The following SLC9A9 variants were observed in gnomAD, a reference collection of about 807,000 sequenced individuals.
The protein encoded by SLC9A9 is sodium/hydrogen exchanger 9.
SLC9A9 carries 62 observed loss-of-function variants against 77.8 expected under a neutral mutation model. The observed-to-expected ratio is 0.80, with a 90% confidence interval of 0.65 to 0.98. SLC9A9 has a LOEUF of 0.98. Ranked by LOEUF, SLC9A9 falls within the 50% of genes least tolerant of loss-of-function variation. The pLI, the probability that SLC9A9 is intolerant of heterozygous loss-of-function variation, is 0.00. For missense variants in SLC9A9, 775 were observed against 774.9 expected, an observed-to-expected ratio of 1.00 and a Z score of 0.00; for synonymous variants, 320 against 283.5, an observed-to-expected ratio of 1.13 and a Z score of -1.29.
At chr3:143,601,928 G>A (rs927874299) in intron 6 of SLC9A9, among the ~76,000 whole-genome samples, 3 of 150,716 alleles carry the variant, frequency 2.0e-5, no homozygotes, top group Admixed American at 6.6e-5. Flanking sequence ...AGTACCCCTT[G>A]CTGCCATCAT....
At chr3:143,751,269 G>C (rs1455501209) in intron 4 of SLC9A9, among the ~76,000 whole-genome samples, 3 of 152,172 alleles carry the variant, frequency 2.0e-5, no homozygotes. Context: ...AAACCACCAG[G>C]AGGAGGTTAC....
intron 9 of SLC9A9, among the ~76,000 whole-genome samples, chr3:143,532,545 A>G (rs533861126): frequency 6.6e-6 from 1 of 152,198 alleles, no homozygotes; most frequent in Non-Finnish European, 1.5e-5. Context: ...GGGAAACTTA[A>G]ATTTTACTTT....
chr3:143,577,592 T>C (rs1015444723), intron 7 of SLC9A9, among the ~76,000 whole-genome samples: 10 of 152,304 alleles, frequency 6.6e-5, no homozygotes, highest in South Asian at 2.1e-4. Flanking sequence ...AATGTAGAGC[T>C]CATCTTTCTA....
intron 5 of SLC9A9, among the ~76,000 whole-genome samples, chr3:143,688,765 T>C (rs1007511326): frequency 3.9e-5 from 6 of 152,064 alleles, no homozygotes; most frequent in African/African-American, 9.7e-5. Flanking sequence ...TCATTTCATG[T>C]TCTTTCAATC....
rs1322436634 is a variant in SLC9A9 at position 143,269,056 on chromosome 3, T to G, written c.1605-76A>C. On this transcript the variant is annotated intron_variant, in intron 14 of 15. Transcript: ENST00000316549. ...ATCTTACGCTGCACAAACCTTTGTA[T>G]GCTGAGACAGCTACGTTTGCCTTTA... The G allele has an allele frequency of 9.9e-5, 109 of 1,100,558 alleles. 1 individual carries two copies. In the East Asian group the frequency reaches 2.6e-3, roughly 26 times the overall value. The allele number at this position is 1,100,558 out of a possible 1,614,324, so 68.2% of individuals were successfully genotyped here. A position where few individuals can be genotyped will look rare whatever the true frequency, so the allele number is the denominator to read the frequency against.
At chr3:143,547,498 G>A (rs1416252314) in intron 9 of SLC9A9, among the ~76,000 whole-genome samples, 3 of 152,152 alleles carry the variant, frequency 2.0e-5, no homozygotes, top group South Asian at 2.1e-4. Context: ...CTTCTAAAAC[G>A]TACGTACATG....
intron 6 of SLC9A9, among the ~76,000 whole-genome samples, chr3:143,650,978 G>T (rs538498806): frequency 1.3e-5 from 2 of 152,324 alleles, no homozygotes; most frequent in African/African-American, 4.8e-5. Context: ...GGTTGTGTCG[G>T]CATGATTCTT....
At chr3:143,738,038 T>A (rs1030111220) in intron 4 of SLC9A9, among the ~76,000 whole-genome samples, 5 of 152,244 alleles carry the variant, frequency 3.3e-5, no homozygotes, top group Admixed American at 3.3e-4. Context: ...TGCATTTCCC[T>A]TTATTACAGG....
chr3:143,826,465 C>G (rs1030033709), intron 2 of SLC9A9, among the ~76,000 whole-genome samples: 1 of 152,114 alleles, frequency 6.6e-6, no homozygotes, highest in African/African-American at 2.4e-5. Context: ...TTTCTTGCAT[C>G]TACCTCTTGG....
intron 9 of SLC9A9, 104 bp from the exon 10 acceptor site, chr3:143,495,552 G>T (rs2035819956): frequency 1.2e-6 from 1 of 856,996 alleles, no homozygotes. Flanking sequence ...TCCTTTATCT[G>T]GAAGGCCACC....
intron 2 of SLC9A9, among the ~76,000 whole-genome samples, chr3:143,826,917 T>C (rs889270887): frequency 1.3e-5 from 2 of 152,202 alleles, no homozygotes; most frequent in African/African-American, 2.4e-5. Context: ...ACTTTTTTGA[T>C]ACGTGCCTTT....
In SLC9A9 at chr3:143,561,798, A is replaced by G. The variant is rs185883171; in HGVS notation, c.1001-9348T>C. On this transcript the variant is annotated intron_variant, in intron 8 of 15. Coordinates refer to ENST00000316549, the MANE Select transcript of SLC9A9 (RefSeq NM_173653.4). ...TAAATATTAGGAGATGAAAGGAAGA[A>G]GACAAGAAGGAATAACTTGGAGAAA... 5.9e-5 allele frequency among the ~76,000 whole-genome samples: 9 copies of G among 152,368 alleles called. No individual in the cohort carries two copies. The East Asian group carries it at 1.7e-3, about 29-fold the overall frequency.
chr3:143,411,071 A>G (rs1387820062), intron 12 of SLC9A9, among the ~76,000 whole-genome samples: 3 of 152,180 alleles, frequency 2.0e-5, no homozygotes, highest in African/African-American at 4.8e-5. Flanking sequence ...GAATTTTAGA[A>G]TTATGTTTTT....
intron 12 of SLC9A9, among the ~76,000 whole-genome samples, chr3:143,408,015 G>A (rs932454671): frequency 6.6e-6 from 1 of 152,202 alleles, no homozygotes; most frequent in Non-Finnish European, 1.5e-5. Context: ...CTTGTGGGTT[G>A]CAGATGGTGG....
In SLC9A9 at chr3:143,266,793, G is replaced by A. The variant is rs1218555194; in HGVS notation, c.1847C>T (p.Pro616Leu). 1 of 1,614,158 alleles carries A rather than the reference G, an allele frequency of 6.2e-7. No individual in the cohort carries two copies. The highest frequency in any genetic ancestry group is 2.2e-5 in the East Asian group (1 of 44,880). The change falls in exon 16 of 16, where the codon CCA becomes CTA. Residue 616 changes from proline to leucine, a missense_variant. By Grantham distance (98) the Pro-to-Leu change is moderately conservative (BLOSUM62 -3). Transcript: ENST00000316549. Reference protein sequence around the residue: ...GLDQKASPQTPGKENIYEGDL... With the variant: ...GLDQKASPQTLGKENIYEGDL... ...TCCCTCATAAATGTTTTCCTTGCCTGGCGTCTGGGGTGAAGCTTTCTGGTC... is the reference window on the plus strand; with the variant it reads ...TCCCTCATAAATGTTTTCCTTGCCTAGCGTCTGGGGTGAAGCTTTCTGGTC...
chr3:143,266,976 A>G (rs1937743916), intron 15 of SLC9A9, 47 bp from the exon 16 acceptor site: 1 of 1,586,678 alleles, frequency 6.3e-7, no homozygotes, highest in Non-Finnish European at 8.7e-7. Context: ...TGAAGGCAGA[A>G]AACAATAGCA....
chr3:143,356,150 G>A (rs772169615), intron 14 of SLC9A9, among the ~76,000 whole-genome samples: 4 of 152,158 alleles, frequency 2.6e-5, no homozygotes, highest in Admixed American at 1.3e-4. Flanking sequence ...AAAGTCATAC[G>A]TGTAGTCACT....
At chr3:143,776,029 T>A (rs2007677563) in intron 4 of SLC9A9, among the ~76,000 whole-genome samples, 1 of 152,212 alleles carries the variant, frequency 6.6e-6, no homozygotes, top group African/African-American at 2.4e-5. Context: ...TATATGCAAA[T>A]CCTTGGGACA....
chr3:143,280,513 T>A (rs61544635), intron 14 of SLC9A9, among the ~76,000 whole-genome samples: 19 of 151,794 alleles, frequency 1.3e-4, no homozygotes, highest in African/African-American at 4.6e-4. Flanking sequence ...GAAGCCTTTT[T>A]AAAACATCTG....
Sources: allele counts gnomAD v4.1 joint callset (sites outside exome capture counted in the v4.1 genomes callset), GRCh38; gene constraint gnomAD v4.1.1; transcripts MANE v1.5; gene names NCBI Gene and HGNC (gene_info 2026-07-23, HGNC 2026-07-21).